DLEC1: variants seen among roughly 807,000 people sequenced by gnomAD.
The protein encoded by DLEC1 is deleted in lung and esophageal cancer protein 1.
Under a neutral mutation model 198.1 loss-of-function variants are expected in DLEC1, and 146 were observed. The ratio of observed to expected loss-of-function variants is 0.74; its 90% CI spans 0.64 to 0.85. The LOEUF (loss-of-function observed/expected upper bound fraction) is 0.85. DLEC1 is among the 40% of genes least tolerant of loss of function. The pLI is 0.00. For synonymous variants in DLEC1, 897 were observed against 866.8 expected, an observed-to-expected ratio of 1.03 and a Z score of -0.61; for missense variants, 2,233 against 2,220.0, an observed-to-expected ratio of 1.01 and a Z score of -0.12.
intron 6 of DLEC1, among the ~76,000 whole-genome samples, chr3:38,083,061 T>G (rs1698143754): frequency 6.6e-6 from 1 of 151,130 alleles, no homozygotes; most frequent in African/African-American, 2.4e-5. Flanking sequence ...AGAAAGAGGT[T>G]GAGGGATAGT....
chr3:38,121,413 G>A (rs115061323), intron 34 of DLEC1, among the ~76,000 whole-genome samples: 2,455 of 152,306 alleles, frequency 0.016, 69 homozygotes, highest in African/African-American at 0.054. Context: ...CAGGGACAGC[G>A]GGGGAATGGA....
At chr3:38,115,831 G>C (rs1243608188) in intron 27 of DLEC1, among the ~76,000 whole-genome samples, 1 of 152,064 alleles carries the variant, frequency 6.6e-6, no homozygotes, top group Non-Finnish European at 1.5e-5. Flanking sequence ...ACATTGTCAT[G>C]GTGCAGGCTG....
chr3:38,082,953 C>A (rs1027372377), intron 6 of DLEC1, among the ~76,000 whole-genome samples: 28 of 152,012 alleles, frequency 1.8e-4, no homozygotes, highest in Non-Finnish European at 4.0e-4. Context: ...AGTTTTGGGT[C>A]CACAAATAAA....
In DLEC1 at chr3:38,049,644, C is replaced by G. The variant is rs1403557073; in HGVS notation, c.562+3951C>G. On this transcript the variant is annotated intron_variant, in intron 2 of 36. Coordinates refer to ENST00000308059, the MANE Select transcript of DLEC1 (RefSeq NM_007335.4). ...GTCACAAGGCCAGAGCAGGCTTTTC[C>G]AAGGCTCGGGGTACATGCCCAGGCC... Among the ~76,000 whole-genome samples the G allele has an allele frequency of 3.9e-5, 6 of 152,322 alleles. No homozygotes were observed. In the East Asian group the frequency reaches 5.8e-4, roughly 15 times the overall value.
Position 38,096,628 on chromosome 3 carries a change from A to G in DLEC1, c.2231A>G (p.Glu744Gly), listed in dbSNP as rs1175411411. ...SYSVDDVIVL[E>G]IEVKGSVEPF... ...TCTGTGGATGATGTGATTGTCCTGG[A>G]AATCGAGGTGAAAGGCTCAGTAGAA... The change falls in exon 15 of 37, where the codon GAA (glutamate) becomes GGA (glycine). Residue 744 changes from glutamate (E) to glycine (G), a missense_variant. Transcript: ENST00000308059. 1 of 1,612,710 alleles carries G rather than the reference A, an allele frequency of 6.2e-7. No homozygotes were observed.
chr3:38,053,585 C>CCCCA (rs1235355771), intron 2 of DLEC1, among the ~76,000 whole-genome samples: 6 of 147,382 alleles, frequency 4.1e-5, no homozygotes, highest in African/African-American at 1.5e-4. Flanking sequence ...GGGGGGCAGC[C>CCCCA]CCCGCCCGGC....
In DLEC1 at chr3:38,062,661, C is replaced by T. The variant is rs1282557661; in HGVS notation, c.954C>T (p.Ala318=). 6.2e-7 allele frequency: 1 copy of T among 1,614,054 alleles called. No individual in the cohort carries two copies. The highest frequency in any genetic ancestry group is 2.2e-5 in the East Asian group (1 of 44,886). Residue 318 remains alanine (A), a synonymous_variant, in exon 5 of 37, where the codon GCC becomes GCT. Coordinates refer to ENST00000308059, the MANE Select transcript of DLEC1 (RefSeq NM_007335.4). The stretch of plus-strand genomic sequence containing the variant: ...GAGAGCTAGACAGACTTCTGCTTGC[C>T]AGAATGGAGAGTCGGAACCACTTCC... ...PQRELDRLLL[A]RMESRNHFLK... is the part of the protein sequence containing the mutation.
intron 6 of DLEC1, among the ~76,000 whole-genome samples, chr3:38,067,860 C>G (rs941816606): frequency 6.7e-6 from 1 of 148,214 alleles, no homozygotes; most frequent in African/African-American, 2.5e-5. Flanking sequence ...TCAAGCAATT[C>G]TCCCACTTCA....
intron 19 of DLEC1, among the ~76,000 whole-genome samples, chr3:38,100,782 T>TG (rs1276503307): frequency 2.6e-5 from 4 of 152,196 alleles, no homozygotes; most frequent in Non-Finnish European, 2.9e-5. Context: ...GTGCTCATGT[T>TG]GGAATGCTCA....
At chr3:38,048,557 TTCTA>T (rs1322176533) in intron 2 of DLEC1, among the ~76,000 whole-genome samples, 2 of 152,242 alleles carry the variant, frequency 1.3e-5, no homozygotes, top group Non-Finnish European at 2.9e-5. Flanking sequence ...TAGGTTTTCT[TTCTA>T]TCTTACAGGT....
chr3:38,114,129 A>AAG (rs1700027226), intron 25 of DLEC1, among the ~76,000 whole-genome samples: 1 of 151,426 alleles, frequency 6.6e-6, no homozygotes, highest in Admixed American at 6.6e-5. Context: ...AAAAAAAAAA[A>AAG]AAAGTCCTCA....
Position 38,088,405 on chromosome 3 carries a change from T to C in DLEC1, c.1665+17T>C, listed in dbSNP as rs769272225. On this transcript the variant is annotated intron_variant, in intron 10 of 36. Coordinates refer to ENST00000308059, the MANE Select transcript of DLEC1 (RefSeq NM_007335.4). ...TTAGTGGAGGTAGGTAATCAGACAT[T>C]GGCATGTATTTCCTCAACTGCTTGC... 3.7e-6 allele frequency: 6 copies of C among 1,603,786 alleles called. No individual in the cohort carries two copies. In the South Asian group the frequency reaches 6.6e-5, roughly 18 times the overall value.
In DLEC1 at chr3:38,088,314, T is replaced by A; in HGVS notation, c.1591T>A (p.Phe531Ile). 1 of 1,614,074 alleles carries A rather than the reference T, an allele frequency of 6.2e-7. No individual in the cohort carries two copies. The highest frequency in any genetic ancestry group is 1.1e-5 in the South Asian group (1 of 91,084). Residue 531 changes from phenylalanine to isoleucine, a missense_variant, in exon 10 of 37, where the codon TTT becomes ATT. By Grantham distance (21) the Phe-to-Ile change is conservative. Transcript: ENST00000308059. ...LSFKAIATVGFVEQPPFGILP... is the reference protein window; with the variant it reads ...LSFKAIATVGIVEQPPFGILP... ...CTTTAAGGCCATTGCAACCGTCGGC[T>A]TTGTTGAACAACCTCCTTTTGGAAT...
intron 19 of DLEC1, among the ~76,000 whole-genome samples, chr3:38,107,242 C>A: frequency 6.6e-6 from 1 of 152,216 alleles, no homozygotes; most frequent in Middle Eastern, 3.4e-3. Context: ...TTCTGAAATA[C>A]GCCCAGAGGA....
At chr3:38,118,882 C>T (rs1372889680) in intron 33 of DLEC1, among the ~76,000 whole-genome samples, 2 of 152,076 alleles carry the variant, frequency 1.3e-5, no homozygotes, top group South Asian at 2.1e-4. Context: ...CACTGTGTAG[C>T]GAGGGCCTGC....
At chr3:38,078,480 G>A (rs1032152428) in intron 6 of DLEC1, among the ~76,000 whole-genome samples, 2 of 152,186 alleles carry the variant, frequency 1.3e-5, no homozygotes, top group African/African-American at 2.4e-5. Context: ...TGCCTAGGAA[G>A]GAAAGGAGTT....
rs761413166 is a variant in DLEC1, at chr3:38,100,409, G to C, written c.2848G>C (p.Glu950Gln). Residue 950 changes from glutamate (E) to glutamine (Q), a missense_variant, in exon 19 of 37, where the codon GAA (glutamate) becomes CAA (glutamine). Glu to Gln is a conservative substitution (Grantham distance 29). Coordinates refer to ENST00000308059, the MANE Select transcript of DLEC1 (RefSeq NM_007335.4). ...HLETVLELEV[E>Q]NGAWSYLPVY... ...GGAGACCGTCCTGGAGCTGGAGGTG[G>C]AAAATGGTGCCTGGAGGTAAGGGTG... The C allele has an allele frequency of 6.2e-7, 1 of 1,612,872 alleles. No individual in the cohort carries two copies. The highest frequency in any genetic ancestry group is 8.5e-7 in the Non-Finnish European group (1 of 1,179,626).
At chr3:38,045,049 T>G (rs1326819907) in intron 1 of DLEC1, among the ~76,000 whole-genome samples, 3 of 152,214 alleles carry the variant, frequency 2.0e-5, no homozygotes, top group Non-Finnish European at 4.4e-5. Context: ...GTTTCTCTCT[T>G]TGGGTCAAAA....
intron 2 of DLEC1, among the ~76,000 whole-genome samples, chr3:38,056,062 T>TAC (rs57610638): frequency 0.029 from 3,478 of 120,406 alleles, 49 homozygotes; most frequent in South Asian, 0.042. Flanking sequence ...CTACAAAAAA[T>TAC]ACACACACAC....
Sources: allele counts gnomAD v4.1 joint callset (sites outside exome capture counted in the v4.1 genomes callset), GRCh38; gene constraint gnomAD v4.1.1; transcripts MANE v1.5; gene names NCBI Gene and HGNC (gene_info 2026-07-23, HGNC 2026-07-21).